The following RAPGEF2 variants were observed in gnomAD, a reference collection of about 807,000 sequenced individuals.
The protein encoded by RAPGEF2 is PDZ domain containing guanine nucleotide exchange factor (GEF) 1.
RAPGEF2 carries 54 observed loss-of-function variants against 186.7 expected under a neutral mutation model. The ratio of observed to expected loss-of-function variants is 0.29; its 90% CI spans 0.23 to 0.36. The LOEUF (loss-of-function observed/expected upper bound fraction) is 0.36. RAPGEF2 is among the 10% of genes least tolerant of loss of function. The pLI, the probability that RAPGEF2 is intolerant of heterozygous loss-of-function variation, is 1.00. For synonymous variants in RAPGEF2, 712 were observed against 705.9 expected (o/e 1.01, Z -0.14); for missense variants, 1,532 against 2,045.0 (o/e 0.75, Z 4.84).
At chr4:159,290,997 T>C (rs1315791727) in intron 7 of RAPGEF2, among the ~76,000 whole-genome samples, 1 of 152,202 alleles carries the variant, frequency 6.6e-6, no homozygotes, top group African/African-American at 2.4e-5. Context: ...AAATAAATCC[T>C]AACATGGATA....
chr4:159,141,470 A>G (rs975231299), intron 1 of RAPGEF2, among the ~76,000 whole-genome samples: 2 of 152,042 alleles, frequency 1.3e-5, no homozygotes, highest in Non-Finnish European at 2.9e-5. Flanking sequence ...CCCCTTACAC[A>G]TAGTGCTGTG....
chr4:159,353,494 G>T lies in RAPGEF2; in HGVS notation c.4099G>T (p.Ala1367Ser). The T allele has an allele frequency of 6.8e-7, 1 of 1,472,144 alleles. No homozygotes were observed. Among genetic ancestry groups the T allele is most frequent in the South Asian group, 1.6e-5 (1 of 63,724 alleles). 91.2% of individuals were successfully genotyped at this position (1,472,144 alleles called of 1,614,324 possible). A position where few individuals can be genotyped will look rare whatever the true frequency, so the allele number is the denominator to read the frequency against. The change falls in exon 28 of 30, where the codon GCA (alanine) becomes TCA (serine). Residue 1367 changes from alanine (A) to serine (S), a missense_variant. Transcript: ENST00000691494. This position sits in a 1 kb window ranked among gnomAD's most constrained non-coding sequence, Gnocchi z 4.3. Reference sequence around the variant, plus strand: ...TTTCTTTTAACCACTTAGGTCCTATGCACCAATGTCCGAGGGCCGAGGCTT... The same window carrying T: ...TTTCTTTTAACCACTTAGGTCCTATTCACCAATGTCCGAGGGCCGAGGCTT... ...EPDQYSLGSY[A>S]PMSEGRGLYA...
In RAPGEF2 at chr4:159,330,436, A is replaced by G. The variant is rs771167447; in HGVS notation, c.1405A>G (p.Ser469Gly). 49 of 1,608,936 alleles carry G rather than the reference A, an allele frequency of 3.0e-5. No individual in the cohort carries two copies. Among genetic ancestry groups the G allele is most frequent in the Admixed American group, 5.1e-5 (3 of 58,288 alleles). The change falls in exon 13 of 30, where the codon AGC becomes GGC. Residue 469 changes from serine (S) to glycine (G), a missense_variant. Ser to Gly is a moderately conservative substitution (Grantham distance 56). This residue lies in a region of RAPGEF2 where 810 missense variants were observed against 1,210.5 expected (regional missense o/e 0.67). Transcript: ENST00000691494. ...FLLTYRTFLS[S>G]PMEVGKKLLE... ...GTTGACCTATAGGACTTTTCTTTCT[A>G]GCCCAATGGAAGTGGGCAAAAAGTT...
At position 159,179,903 on chromosome 4, in the gene RAPGEF2, C is replaced by T. The variant is rs114096016; in HGVS notation, c.70-6739C>T. Among the ~76,000 whole-genome samples the T allele has an allele frequency of 4.2e-3, 633 of 152,174 alleles. 1 individual carries two copies. Among genetic ancestry groups the T allele is most frequent in the African/African-American group, 0.014 (593 of 41,486 alleles). ...GTTTGGACTATGGAAGTACAAATGC[C>T]GACAGACAGTTCATGTGCAAGTTTT... is the stretch of plus-strand genomic sequence containing the variant. On this transcript the variant is annotated intron_variant, in intron 1 of 29. Transcript: ENST00000691494.
chr4:159,230,355 A>T (rs1172508862), intron 4 of RAPGEF2, among the ~76,000 whole-genome samples: 1 of 152,214 alleles, frequency 6.6e-6, no homozygotes, highest in East Asian at 1.9e-4. Flanking sequence ...GTGTGTTAAT[A>T]TGTATATGTT....
rs750543897 is a variant in RAPGEF2, at chr4:159,353,586, C to T, written c.4191C>T (p.Arg1397=). Residue 1397 remains arginine, a synonymous_variant, in exon 28 of 30, where the codon CGC becomes CGT. Transcript: ENST00000691494. The surrounding 1 kb of genome is among the most constrained non-coding windows in gnomAD (Gnocchi z 4.3). ...TEELSQDQGD[R]ASLDAADSGR... is the part of the protein sequence containing the mutation. ...AACTTTCCCAGGATCAGGGGGATCG[C>T]GCGTCACTTGATGCTGCTGACAGTG... is the stretch of plus-strand genomic sequence containing the variant. 2.1e-5 allele frequency: 34 copies of T among 1,590,478 alleles called. No individual in the cohort carries two copies. The South Asian group carries it at 2.2e-4, about 10-fold the overall frequency.
chr4:159,124,587 C>A (rs1359750538), intron 1 of RAPGEF2, among the ~76,000 whole-genome samples: 1 of 152,096 alleles, frequency 6.6e-6, no homozygotes, highest in Non-Finnish European at 1.5e-5. Context: ...AGCCTGTAAT[C>A]TTTTTGCTGA....
At chr4:159,285,263 G>A (rs2110918619) in intron 7 of RAPGEF2, among the ~76,000 whole-genome samples, 1 of 152,192 alleles carries the variant, frequency 6.6e-6, no homozygotes. Context: ...CAAGTGAAGA[G>A]GACACATAAC....
chr4:159,219,048 T>C (rs1370058583), intron 4 of RAPGEF2, among the ~76,000 whole-genome samples: 1 of 152,182 alleles, frequency 6.6e-6, no homozygotes, highest in Non-Finnish European at 1.5e-5. Context: ...AATCTACAAC[T>C]GAGTTAAAAT....
chr4:159,337,889 C>CAAAAAAAAAAAAAAAAAAAAAAAAA, intron 17 of RAPGEF2, among the ~76,000 whole-genome samples: 1 of 32,574 alleles, frequency 3.1e-5, no homozygotes, highest in Non-Finnish European at 8.5e-5. Context: ...GACTCCATCT[C>CAAAAAAAAAAAAAAAAAAAAAAAAA]AAAAAAAAAA....
At chr4:159,246,952 T>G in intron 7 of RAPGEF2, among the ~76,000 whole-genome samples, 1 of 152,266 alleles carries the variant, frequency 6.6e-6, no homozygotes, top group Admixed American at 6.5e-5. Context: ...TATATGATAT[T>G]TAAAAATCTG....
intron 1 of RAPGEF2, among the ~76,000 whole-genome samples, chr4:159,145,429 A>C (rs1364427836): frequency 6.6e-6 from 1 of 152,232 alleles, no homozygotes; most frequent in Non-Finnish European, 1.5e-5. Flanking sequence ...AAACATTGCC[A>C]AAACATGTGA....
intron 1 of RAPGEF2, among the ~76,000 whole-genome samples, chr4:159,142,131 G>T (rs767850189): frequency 6.6e-6 from 1 of 152,148 alleles, no homozygotes. Flanking sequence ...TTGAAAAAAT[G>T]ATTTAATTTG....
intron 2 of RAPGEF2, among the ~76,000 whole-genome samples, chr4:159,191,329 C>T (rs1165376198): frequency 6.6e-6 from 1 of 152,036 alleles, no homozygotes; most frequent in Non-Finnish European, 1.5e-5. Flanking sequence ...TTGCTAAGGA[C>T]AGGTAGGATT....
At chr4:159,164,106 G>T (rs1378752500) in intron 1 of RAPGEF2, among the ~76,000 whole-genome samples, 1 of 151,804 alleles carries the variant, frequency 6.6e-6, no homozygotes, top group Non-Finnish European at 1.5e-5. Flanking sequence ...CTGGGTTCAC[G>T]CCATTCTCCT....
chr4:159,195,002 G>A (rs114639821), intron 3 of RAPGEF2, among the ~76,000 whole-genome samples: 4,266 of 152,314 alleles, frequency 0.028, 195 homozygotes, highest in African/African-American at 0.097. Flanking sequence ...AGTCAGGGAT[G>A]TTGGATTTTA....
intron 1 of RAPGEF2, among the ~76,000 whole-genome samples, chr4:159,174,759 TC>T (rs398051317): frequency 0.013 from 622 of 47,106 alleles, 6 homozygotes; most frequent in African/African-American, 0.077. Flanking sequence ...TTTCTTTCTT[TC>T]TTTTTTTTTT....
chr4:159,321,311 A>G (rs538328857), intron 9 of RAPGEF2, among the ~76,000 whole-genome samples: 1 of 151,902 alleles, frequency 6.6e-6, no homozygotes, highest in Admixed American at 6.6e-5. Context: ...GGCTCAAGCA[A>G]TCCTCCCACC....
intron 4 of RAPGEF2, among the ~76,000 whole-genome samples, chr4:159,219,635 G>A (rs906963314): frequency 1.3e-5 from 2 of 152,240 alleles, no homozygotes; most frequent in Admixed American, 6.5e-5. Flanking sequence ...GATTACAGGC[G>A]TGAGCCACCA....
Sources: allele counts gnomAD v4.1 joint callset (sites outside exome capture counted in the v4.1 genomes callset), GRCh38; gene constraint gnomAD v4.1.1; regional missense constraint gnomAD v4.1.1; non-coding constraint Gnocchi (gnomAD v3.1); transcripts MANE v1.5; gene names NCBI Gene and HGNC (gene_info 2026-07-23, HGNC 2026-07-21).